Variants in RAB7A observed in about 807,000 individuals in gnomAD.
RAB7A encodes ras-related protein Rab-7a.
Under a neutral mutation model 24.5 loss-of-function variants are expected in RAB7A, and 2 were observed. That is an observed-to-expected ratio of 0.08 (90% confidence interval 0.03 to 0.26). The LOEUF is 0.26. RAB7A is among the 10% of genes least tolerant of loss of function. RAB7A has a pLI of 1.00. For missense variants in RAB7A, 118 were observed against 255.7 expected, an observed-to-expected ratio of 0.46 and a Z score of 3.67; for synonymous variants, 100 against 95.9, an observed-to-expected ratio of 1.04 and a Z score of -0.25.
intron 1 of RAB7A, among the ~76,000 whole-genome samples, chr3:128,763,208 A>ATATATATATTTTTTTTT (rs373993932): frequency 1.2e-4 from 9 of 76,054 alleles, no homozygotes; most frequent in African/African-American, 4.9e-4. Flanking sequence ...ATATATATAT[A>ATATATATATTTTTTTTT]TTTTTTTTTT....
intron 5 of RAB7A, among the ~76,000 whole-genome samples, chr3:128,808,896 T>C (rs1038810733): frequency 5.3e-5 from 8 of 152,136 alleles, no homozygotes; most frequent in Non-Finnish European, 7.3e-5. Flanking sequence ...AATTCTGGCA[T>C]GGGTGGGGTC....
At chr3:128,804,116 C>A (rs1011425488) in intron 3 of RAB7A, among the ~76,000 whole-genome samples, 11 of 128,986 alleles carry the variant, frequency 8.5e-5, no homozygotes, top group South Asian at 2.2e-4. Flanking sequence ...CTCCCTGGGC[C>A]CCCCCCCGCC....
At position 128,728,754 on chromosome 3, in the gene RAB7A, C is replaced by T. The variant is rs574911720; in HGVS notation, c.-9+2395C>T. On this transcript the variant is annotated intron_variant, in intron 1 of 5. Coordinates refer to ENST00000265062, the MANE Select transcript of RAB7A (RefSeq NM_004637.6). The stretch of plus-strand genomic sequence containing the variant: ...CTGGGATTACAGGCATGAGCCACTG[C>T]GCCCGGCCGACTCTGGTAGCATTTT... Among the ~76,000 whole-genome samples the T allele has an allele frequency of 5.0e-4, 76 of 152,166 alleles. 2 individuals carry two copies. The highest frequency in any genetic ancestry group is 5.7e-4 in the Non-Finnish European group (39 of 68,030).
intron 5 of RAB7A, among the ~76,000 whole-genome samples, chr3:128,809,072 A>G (rs1343061349): frequency 6.6e-6 from 1 of 152,196 alleles, no homozygotes; most frequent in Non-Finnish European, 1.5e-5. Flanking sequence ...TGTTCATATA[A>G]GGGAATGGAA....
intron 1 of RAB7A, among the ~76,000 whole-genome samples, chr3:128,740,035 C>T (rs1255780855): frequency 6.6e-6 from 1 of 151,830 alleles, no homozygotes; most frequent in East Asian, 1.9e-4. Context: ...CATTGCACTC[C>T]AGCCTAGACA....
intron 1 of RAB7A, among the ~76,000 whole-genome samples, chr3:128,770,034 G>C (rs1471425258): frequency 7.0e-6 from 1 of 143,092 alleles, no homozygotes. Flanking sequence ...ACGGAGTCTC[G>C]CTCTGTCACC....
At chr3:128,795,551 C>G in intron 2 of RAB7A, 131 bp downstream of exon 2, 1 of 834,190 alleles carries the variant, frequency 1.2e-6, no homozygotes. Context: ...TTTCCCTCCA[C>G]GGCAGAAATT....
At position 128,795,551 on chromosome 3, in the gene RAB7A, C is replaced by T. The variant is rs143259869; in HGVS notation, c.53+131C>T. On this transcript the variant is annotated intron_variant, in intron 2 of 5. Coordinates refer to ENST00000265062, the MANE Select transcript of RAB7A (RefSeq NM_004637.6). ...TTAGGGCCTTACATGTTTCCCTCCA[C>T]GGCAGAAATTTAGATGATCCCTTGT... is the stretch of plus-strand genomic sequence containing the variant. The T allele has an allele frequency of 1.8e-4, 151 of 834,190 alleles. No individual in the cohort carries two copies. In the East Asian group the frequency reaches 2.2e-3, roughly 12 times the overall value. 51.7% of individuals were successfully genotyped at this position (834,190 alleles called of 1,614,324 possible).
chr3:128,760,681 C>T (rs768500876), intron 1 of RAB7A, among the ~76,000 whole-genome samples: 2 of 152,156 alleles, frequency 1.3e-5, no homozygotes, highest in Non-Finnish European at 2.9e-5. Context: ...AAGGCAAAGC[C>T]TGGAGTGTAA....
chr3:128,777,511 A>T (rs905696923), intron 1 of RAB7A, among the ~76,000 whole-genome samples: 6 of 152,144 alleles, frequency 3.9e-5, no homozygotes, highest in African/African-American at 1.4e-4. Flanking sequence ...ATAATACTTG[A>T]TAATAAAACA....
chr3:128,728,918 G>A (rs2070407105), intron 1 of RAB7A, among the ~76,000 whole-genome samples: 1 of 151,998 alleles, frequency 6.6e-6, no homozygotes, highest in Non-Finnish European at 1.5e-5. Flanking sequence ...ATAGTGTACT[G>A]GCCATAGTTT....
At chr3:128,736,344 T>A (rs1175222603) in intron 1 of RAB7A, among the ~76,000 whole-genome samples, 1 of 152,214 alleles carries the variant, frequency 6.6e-6, no homozygotes, top group Non-Finnish European at 1.5e-5. Flanking sequence ...CATTCAGTTT[T>A]ATTTAAATGT....
intron 1 of RAB7A, among the ~76,000 whole-genome samples, chr3:128,728,874 T>C (rs1228467725): frequency 6.6e-6 from 1 of 152,208 alleles, no homozygotes; most frequent in African/African-American, 2.4e-5. Context: ...TGGATTTTTT[T>C]CTTCAGCTGG....
chr3:128,759,430 GCA>G (rs1576280829), intron 1 of RAB7A, among the ~76,000 whole-genome samples: 1 of 152,194 alleles, frequency 6.6e-6, no homozygotes, highest in Non-Finnish European at 1.5e-5. Context: ...GGGAGGCTGT[GCA>G]CTGGGTGATC....
intron 1 of RAB7A, among the ~76,000 whole-genome samples, chr3:128,789,153 T>C (rs1025581981): frequency 2.0e-5 from 3 of 152,182 alleles, no homozygotes; most frequent in African/African-American, 7.2e-5. Flanking sequence ...GATATTAATA[T>C]ATACATGGAT....
chr3:128,797,292 G>A (rs540577881), intron 2 of RAB7A, among the ~76,000 whole-genome samples: 1 of 151,912 alleles, frequency 6.6e-6, no homozygotes, highest in African/African-American at 2.4e-5. Context: ...ACTGGCTATG[G>A]GGGGGAAGGT....
chr3:128,742,127 T>C (rs1234148681), intron 1 of RAB7A, among the ~76,000 whole-genome samples: 1 of 152,176 alleles, frequency 6.6e-6, no homozygotes, highest in East Asian at 1.9e-4. Flanking sequence ...CTCGCTGGCT[T>C]CAGGAGTGAA....
chr3:128,786,200 C>T (rs982055544), intron 1 of RAB7A, among the ~76,000 whole-genome samples: 3 of 152,170 alleles, frequency 2.0e-5, no homozygotes, highest in Non-Finnish European at 4.4e-5. Context: ...CCAGGAAAGT[C>T]TGTAGTACAG....
intron 1 of RAB7A, among the ~76,000 whole-genome samples, chr3:128,745,679 T>C (rs796866976): frequency 1.3e-5 from 2 of 152,312 alleles, no homozygotes; most frequent in African/African-American, 4.8e-5. Context: ...CACCATCTTA[T>C]TAAGAAAAGA....
Sources: allele counts gnomAD v4.1 joint callset (sites outside exome capture counted in the v4.1 genomes callset), GRCh38; gene constraint gnomAD v4.1.1; transcripts MANE v1.5; gene names NCBI Gene and HGNC (gene_info 2026-07-23, HGNC 2026-07-21).